Variants in ARHGEF26 observed in about 807,000 individuals in gnomAD.
ARHGEF26 encodes Rho guanine nucleotide exchange factor 26.
Under a neutral mutation model 89.4 loss-of-function variants are expected in ARHGEF26, and 59 were observed. That is an observed-to-expected ratio of 0.66 (90% CI 0.54 to 0.82). The LOEUF (loss-of-function observed/expected upper bound fraction) is 0.82, where lower values mean the gene tolerates loss of function less well. ARHGEF26 is among the 40% of genes least tolerant of loss of function. ARHGEF26 has a pLI of 0.00. For missense variants in ARHGEF26, 1,234 were observed against 1,085.6 expected (o/e 1.14, Z -1.92); for synonymous variants, 500 against 428.4 (o/e 1.17, Z -2.06).
At chr3:154,147,608 A>G (rs957064690) in intron 4 of ARHGEF26, among the ~76,000 whole-genome samples, 2 of 152,158 alleles carry the variant, frequency 1.3e-5, no homozygotes, top group African/African-American at 2.4e-5. Flanking sequence ...GTAAACTTCA[A>G]AAAGCTTGTC....
At chr3:154,247,672 T>C (rs1357828409) in intron 12 of ARHGEF26, among the ~76,000 whole-genome samples, 1 of 152,238 alleles carries the variant, frequency 6.6e-6, no homozygotes, top group Non-Finnish European at 1.5e-5. Flanking sequence ...GAAAAACTGC[T>C]TCCTGTCTCT....
chr3:154,249,653 C>T (rs1259485823), intron 12 of ARHGEF26, among the ~76,000 whole-genome samples: 2 of 152,124 alleles, frequency 1.3e-5, no homozygotes, highest in East Asian at 1.9e-4. Context: ...AGTGTATTTG[C>T]TGTGCACCTC....
chr3:154,239,297 A>AGAGT (rs1255065596), intron 11 of ARHGEF26, among the ~76,000 whole-genome samples: 1 of 52,952 alleles, frequency 1.9e-5, no homozygotes, highest in African/African-American at 7.1e-5. Context: ...AGAGAGAGAG[A>AGAGT]GAGTGTGTGT....
intron 4 of ARHGEF26, among the ~76,000 whole-genome samples, chr3:154,144,518 A>G (rs529060320): frequency 6.6e-6 from 1 of 152,346 alleles, no homozygotes; most frequent in African/African-American, 2.4e-5. Flanking sequence ...CTGCAAATGA[A>G]GTAATGCACG....
At chr3:154,245,682 C>T (rs1717761663) in intron 12 of ARHGEF26, among the ~76,000 whole-genome samples, 1 of 152,208 alleles carries the variant, frequency 6.6e-6, no homozygotes, top group South Asian at 2.1e-4. Context: ...TGTTTTCTGT[C>T]TCACCCACCC....
intron 11 of ARHGEF26, among the ~76,000 whole-genome samples, chr3:154,226,509 A>G (rs1001964582): frequency 2.0e-5 from 3 of 152,224 alleles, no homozygotes; most frequent in Admixed American, 1.3e-4. Context: ...TCTGAAGGGA[A>G]TGAAGTAAAT....
chr3:154,256,966 CCT>C lies in ARHGEF26; in HGVS notation c.*1498_*1499del, dbSNP rs747724843. On this transcript the variant is annotated 3_prime_UTR_variant, in exon 15 of 15. Transcript: ENST00000465093. ...ATGATTTTTACTGGCAGCTATATTC[CCT>C]CTCTGTTCTATTTGCTTTAACAAAG... 11 of 1,527,524 alleles carry C rather than the reference CCT, an allele frequency of 7.2e-6. No homozygotes were observed. The highest frequency in any genetic ancestry group is 6.0e-5 in the Admixed American group (3 of 49,896). 94.6% of individuals were successfully genotyped at this position (1,527,524 alleles called of 1,614,324 possible). A position where few individuals can be genotyped will look rare whatever the true frequency, so the allele number is the denominator to read the frequency against.
intron 4 of ARHGEF26, among the ~76,000 whole-genome samples, chr3:154,136,376 A>T (rs972153310): frequency 6.6e-6 from 1 of 152,136 alleles, no homozygotes; most frequent in Non-Finnish European, 1.5e-5. Context: ...GTGCAATGGG[A>T]GATCTAGAAT....
rs893671992 is a variant in ARHGEF26, at chr3:154,191,565, A to C, written c.1770+147A>C. On this transcript the variant is annotated intron_variant, in intron 8 of 14. Transcript: ENST00000465093. ...AAGTGAGAAGGTGTTGTTTGTTCAG[A>C]AAGTCTCACCTGTATCTGATATCTC... 1.0e-5 allele frequency: 10 copies of C among 1,003,498 alleles called. No individual in the cohort carries two copies. The African/African-American group carries it at 1.5e-4, about 15-fold the overall frequency. The allele number at this position is 1,003,498 out of a possible 1,614,324, so 62.2% of individuals were successfully genotyped here.
chr3:154,145,578 T>C (rs1357524950), intron 4 of ARHGEF26, among the ~76,000 whole-genome samples: 1 of 152,170 alleles, frequency 6.6e-6, no homozygotes, highest in Non-Finnish European at 1.5e-5. Flanking sequence ...TTGTGAGGCT[T>C]TTGGGTTCTT....
intron 9 of ARHGEF26, among the ~76,000 whole-genome samples, chr3:154,201,734 T>G (rs1559894807): frequency 2.6e-5 from 4 of 152,206 alleles, no homozygotes. Context: ...TGGTTTTGAT[T>G]TGCATTTCTC....
Position 154,122,198 on chromosome 3 carries a change from C to G in ARHGEF26, c.206C>G (p.Pro69Arg). Residue 69 changes from proline (P) to arginine (R), a missense_variant, in exon 2 of 15, where the codon CCC (proline) becomes CGC (arginine). Physicochemically the swap from Pro to Arg is moderately radical, Grantham distance 103. Transcript: ENST00000465093. ...LLAAQIPAQV[P>R]TASDSRTVHR... ...GCAGCGCAGATTCCCGCCCAGGTGC[C>G]CACCGCCTCGGACAGCAGGACGGTA... The G allele has an allele frequency of 6.2e-7, 1 of 1,602,952 alleles. No homozygotes were observed. The highest frequency in any genetic ancestry group is 1.3e-5 in the African/African-American group (1 of 74,710).
At chr3:154,227,506 C>T (rs1336832137) in intron 11 of ARHGEF26, among the ~76,000 whole-genome samples, 1 of 152,158 alleles carries the variant, frequency 6.6e-6, no homozygotes, top group East Asian at 1.9e-4. Context: ...TGGTCTCAAT[C>T]TCCTGACCTC....
chr3:154,196,108 C>T lies in ARHGEF26; in HGVS notation c.1845+1390C>T, dbSNP rs954535762. Among the ~76,000 whole-genome samples the T allele has an allele frequency of 4.9e-5, 5 of 102,750 alleles. No homozygotes were observed. In the South Asian group the frequency reaches 9.5e-4, roughly 20 times the overall value. The allele number at this position is 102,750 out of a possible 152,430, so 67.4% of individuals were successfully genotyped here. A position where few individuals can be genotyped will look rare whatever the true frequency, so the allele number is the denominator to read the frequency against. ...TAGGTTGTATACTGGGGTTGGGGGG[C>T]GGGGATAGGGAACCTGAGCTGAGTG... On this transcript the variant is annotated intron_variant, in intron 9 of 14. Coordinates refer to ENST00000465093, the MANE Select transcript of ARHGEF26 (RefSeq NM_015595.4).
At chr3:154,142,595 A>T (rs575840152) in intron 4 of ARHGEF26, among the ~76,000 whole-genome samples, 1 of 152,318 alleles carries the variant, frequency 6.6e-6, no homozygotes, top group South Asian at 2.1e-4. Context: ...TGTTGTTCTA[A>T]GTAGCTTATT....
Position 154,155,779 on chromosome 3 carries a change from GC to G in ARHGEF26, c.1487+2848del, listed in dbSNP as rs1720304749. Among the ~76,000 whole-genome samples the G allele has an allele frequency of 4.0e-5, 6 of 151,746 alleles. No individual in the cohort carries two copies. In the South Asian group the frequency reaches 1.2e-3, roughly 32 times the overall value. On this transcript the variant is annotated intron_variant, in intron 6 of 14. Coordinates refer to ENST00000465093, the MANE Select transcript of ARHGEF26 (RefSeq NM_015595.4). ...GTATAATGTAGTTCATGGTTAGTAGGCATGTAAAGATCATCACTCTAAGAGG... is the reference window on the plus strand; with the variant it reads ...GTATAATGTAGTTCATGGTTAGTAGGATGTAAAGATCATCACTCTAAGAGG...
chr3:154,256,697 C>CAAGG lies in ARHGEF26; in HGVS notation c.*1229_*1232dup, dbSNP rs924144775. On this transcript the variant is annotated 3_prime_UTR_variant, in exon 15 of 15. Transcript: ENST00000465093. Reference sequence around the variant, plus strand: ...TAGCTGGAACACACTACAGTAATCTCAAGGAAGGGAAAATTAGGCCTTAAA... The same window carrying CAAGG: ...TAGCTGGAACACACTACAGTAATCTCAAGGAAGGAAGGGAAAATTAGGCCTTAAA... The CAAGG allele has an allele frequency of 8.1e-5, 106 of 1,313,038 alleles. No individual in the cohort carries two copies. In the Middle Eastern group the frequency reaches 1.1e-3, roughly 14 times the overall value. The allele number at this position is 1,313,038 out of a possible 1,614,324, so 81.3% of individuals were successfully genotyped here. A position where few individuals can be genotyped will look rare whatever the true frequency, so the allele number is the denominator to read the frequency against.
intron 6 of ARHGEF26, among the ~76,000 whole-genome samples, chr3:154,170,098 A>G (rs906950220): frequency 2.0e-5 from 3 of 151,872 alleles, no homozygotes; most frequent in African/African-American, 7.3e-5. Context: ...GTGGTGGCTC[A>G]TGCCTGTAAT....
intron 6 of ARHGEF26, among the ~76,000 whole-genome samples, chr3:154,171,657 G>A (rs142222540): frequency 4.6e-5 from 7 of 152,258 alleles, no homozygotes; most frequent in African/African-American, 1.7e-4. Context: ...AGATGGCTAT[G>A]AGACATAAGA....
Sources: allele counts gnomAD v4.1 joint callset (sites outside exome capture counted in the v4.1 genomes callset), GRCh38; gene constraint gnomAD v4.1.1; transcripts MANE v1.5; gene names NCBI Gene and HGNC (gene_info 2026-07-23, HGNC 2026-07-21).